Variants in ARB2A observed in about 807,000 individuals in gnomAD.
ARB2A encodes the protein ARB2 cotranscriptional regulator A, also known as cotranscriptional regulator ARB2A.
the ARB2A span, among the ~76,000 whole-genome samples, chr5:93,923,445 A>T: frequency 6.6e-6 from 1 of 152,122 alleles, no homozygotes; most frequent in Non-Finnish European, 1.5e-5. Flanking sequence ...TTTCAACTGC[A>T]GGAATTGTGG....
At chr5:94,037,061 C>G in the ARB2A span, among the ~76,000 whole-genome samples, 1 of 152,096 alleles carries the variant, frequency 6.6e-6, no homozygotes, top group African/African-American at 2.4e-5. Context: ...TGCACCTTAA[C>G]ATAAAATATA....
At chr5:93,928,204 T>C in the ARB2A span, among the ~76,000 whole-genome samples, 81 of 152,252 alleles carry the variant, frequency 5.3e-4, no homozygotes, top group East Asian at 0.015. Context: ...ATCCAAAATA[T>C]GAAATGGGAA....
the ARB2A span, among the ~76,000 whole-genome samples, chr5:93,749,140 C>A: frequency 3.3e-5 from 5 of 151,806 alleles, no homozygotes; most frequent in East Asian, 9.7e-4. Flanking sequence ...TCCAGTGCTT[C>A]ATTTCTTTAC....
chr5:93,720,334 T>C, the ARB2A span, among the ~76,000 whole-genome samples: 2 of 152,198 alleles, frequency 1.3e-5, no homozygotes, highest in African/African-American at 4.8e-5. Flanking sequence ...ATTCAATCAT[T>C]ATATTGGGCC....
chr5:93,926,433 T>A, the ARB2A span, among the ~76,000 whole-genome samples: 2 of 152,050 alleles, frequency 1.3e-5, no homozygotes, highest in Non-Finnish European at 2.9e-5. Context: ...GTGCCCGGCC[T>A]ATATTTCCAA....
At chr5:93,828,500 T>C in the ARB2A span, among the ~76,000 whole-genome samples, 4 of 152,164 alleles carry the variant, frequency 2.6e-5, no homozygotes, top group African/African-American at 9.6e-5. Flanking sequence ...CCTGCCACCG[T>C]CTCTCAAATC....
chr5:93,656,017 A>G, the ARB2A span, among the ~76,000 whole-genome samples: 1 of 152,222 alleles, frequency 6.6e-6, no homozygotes, highest in Admixed American at 6.5e-5. Flanking sequence ...CCTTCAGGGC[A>G]GGAACTTTGC....
At chr5:93,826,742 C>T in the ARB2A span, among the ~76,000 whole-genome samples, 1 of 101,888 alleles carries the variant, frequency 9.8e-6, no homozygotes. Context: ...CTATCCCTCC[C>T]CCCTCCCCCC....
the ARB2A span, among the ~76,000 whole-genome samples, chr5:93,897,363 G>A: frequency 6.6e-6 from 1 of 151,844 alleles, no homozygotes; most frequent in Non-Finnish European, 1.5e-5. Flanking sequence ...AATTTATAAA[G>A]TCCTCTTATA....
the ARB2A span, among the ~76,000 whole-genome samples, chr5:94,092,646 T>C: frequency 6.6e-6 from 1 of 152,226 alleles, no homozygotes; most frequent in African/African-American, 2.4e-5. Context: ...TCAAATATTA[T>C]ACTTAGTTCC....
the ARB2A span, among the ~76,000 whole-genome samples, chr5:93,943,638 A>G: frequency 6.6e-6 from 1 of 152,146 alleles, no homozygotes; most frequent in South Asian, 2.1e-4. Context: ...CCTGTCACCA[A>G]GTTTGTCAAA....
chr5:93,873,561 T>A, the ARB2A span, among the ~76,000 whole-genome samples: 3 of 152,200 alleles, frequency 2.0e-5, no homozygotes, highest in East Asian at 1.9e-4. Context: ...TAAAACAGAA[T>A]TATGGCCCTT....
the ARB2A span, among the ~76,000 whole-genome samples, chr5:94,007,434 A>G: frequency 6.6e-6 from 1 of 152,178 alleles, no homozygotes; most frequent in Non-Finnish European, 1.5e-5. Flanking sequence ...AATTTACTCT[A>G]CTAGAAACCT....
At chr5:93,630,404 C>T in the ARB2A span, among the ~76,000 whole-genome samples, 3 of 152,164 alleles carry the variant, frequency 2.0e-5, no homozygotes, top group Non-Finnish European at 4.4e-5. Context: ...ATTGCTAACA[C>T]AGTTGCAAGC....
the ARB2A span, among the ~76,000 whole-genome samples, chr5:93,705,645 GTGTGTGTA>G: frequency 7.4e-3 from 1,078 of 146,230 alleles, 6 homozygotes; most frequent in Non-Finnish European, 0.012. Flanking sequence ...GTGTGTGTGT[GTGTGTGTA>G]TATATATATA....
chr5:93,926,193 G>A, the ARB2A span, among the ~76,000 whole-genome samples: 4 of 151,504 alleles, frequency 2.6e-5, no homozygotes, highest in African/African-American at 7.3e-5. Flanking sequence ...ACAATGGCGC[G>A]ATCTCGGCTC....
At chr5:93,901,289 T>TAAGA in the ARB2A span, among the ~76,000 whole-genome samples, 1 of 152,166 alleles carries the variant, frequency 6.6e-6, no homozygotes, top group Non-Finnish European at 1.5e-5. Flanking sequence ...CAAGATTGAA[T>TAAGA]CTACAAAGTA....
chr5:93,657,191 G>C, the ARB2A span, among the ~76,000 whole-genome samples: 1 of 152,146 alleles, frequency 6.6e-6, no homozygotes, highest in Non-Finnish European at 1.5e-5. Flanking sequence ...CTCCCAACTA[G>C]TTTGCAGTAG....
chr5:93,914,047 C>T, the ARB2A span, among the ~76,000 whole-genome samples: 697 of 151,928 alleles, frequency 4.6e-3, 8 homozygotes, highest in African/African-American at 0.014. Context: ...ATTACAATCC[C>T]GCAGATTTAG....
Sources: allele counts gnomAD v4.1 joint callset (sites outside exome capture counted in the v4.1 genomes callset), GRCh38; gene constraint gnomAD v4.1.1; transcripts MANE v1.5; gene names NCBI Gene and HGNC (gene_info 2026-07-23, HGNC 2026-07-21).